The following C6 variants were observed in gnomAD, a reference collection of about 807,000 sequenced individuals.
C6 encodes complement C6, also known as complement component C6.
Under a neutral mutation model 112.9 loss-of-function variants are expected in C6, and 101 were observed. The observed-to-expected ratio is 0.89, with a 90% CI of 0.76 to 1.06. The LOEUF (loss-of-function observed/expected upper bound fraction) is 1.06. Among genes scored for constraint, C6 ranks in the 50% least tolerant of loss-of-function variants. The pLI, the probability that C6 is intolerant of heterozygous loss-of-function variation, is 0.00. For missense variants in C6, 1,202 were observed against 1,104.6 expected (o/e 1.09, Z -1.25); for synonymous variants, 431 against 384.1 (o/e 1.12, Z -1.43).
At chr5:41,146,547 G>A (rs1159685312) in intron 17 of C6, among the ~76,000 whole-genome samples, 1 of 152,122 alleles carries the variant, frequency 6.6e-6, no homozygotes, top group East Asian at 1.9e-4. Flanking sequence ...AGAACCCTCT[G>A]TGACATTTAC....
At chr5:41,163,375 C>G (rs935129493) in intron 9 of C6, among the ~76,000 whole-genome samples, 2 of 146,592 alleles carry the variant, frequency 1.4e-5, no homozygotes, top group South Asian at 2.2e-4. Flanking sequence ...TGCATTGGTG[C>G]GATCTTAGCT....
At chr5:41,226,239 C>T (rs1444602748) in intron 1 of C6, among the ~76,000 whole-genome samples, 1 of 152,108 alleles carries the variant, frequency 6.6e-6, no homozygotes, top group Non-Finnish European at 1.5e-5. Context: ...CTACAATGAA[C>T]TCAAACAAAT....
At chr5:41,207,683 C>A (rs941272312) in intron 1 of C6, among the ~76,000 whole-genome samples, 10 of 152,118 alleles carry the variant, frequency 6.6e-5, no homozygotes, top group Non-Finnish European at 1.0e-4. Context: ...GCTAACTATC[C>A]TAAATATATA....
At chr5:41,175,255 G>C (rs1274441318) in intron 8 of C6, among the ~76,000 whole-genome samples, 2 of 152,208 alleles carry the variant, frequency 1.3e-5, no homozygotes, top group Non-Finnish European at 2.9e-5. Context: ...AGATGTCACA[G>C]CTAGATCATC....
At chr5:41,191,407 G>T (rs1205526580) in intron 5 of C6, among the ~76,000 whole-genome samples, 1 of 152,068 alleles carries the variant, frequency 6.6e-6, no homozygotes, top group African/African-American at 2.4e-5. Context: ...GTTTTTTGTG[G>T]TTCCATATGA....
chr5:41,194,331 A>G (rs1750445512), intron 5 of C6, among the ~76,000 whole-genome samples: 6 of 152,156 alleles, frequency 3.9e-5, no homozygotes. Context: ...CGAGGCCCAG[A>G]GTTGTTAAAT....
upstream of C6, among the ~76,000 whole-genome samples, chr5:41,214,631 C>T (rs1752130437): frequency 6.6e-6 from 1 of 152,030 alleles, no homozygotes; most frequent in Non-Finnish European, 1.5e-5. Context: ...CCCTTGATTA[C>T]CTGAGAAGAT....
chr5:41,203,253 A>T lies in C6; in HGVS notation c.-20-3T>A. 6.2e-7 allele frequency: 1 copy of T among 1,613,778 alleles called. No homozygotes were observed. The highest frequency in any genetic ancestry group is 8.5e-7 in the Non-Finnish European group (1 of 1,179,728). Reference sequence around the variant, plus strand: ...CATGCCTTGAGAGCCTCCAGGCCCTAAAATGAAAGAATACATAACACATAT... The same window carrying T: ...CATGCCTTGAGAGCCTCCAGGCCCTTAAATGAAAGAATACATAACACATAT... On this transcript the variant is annotated splice_region_variant and splice_polypyrimidine_tract_variant and intron_variant, in intron 1 of 17. Coordinates refer to ENST00000337836, the MANE Select transcript of C6 (RefSeq NM_000065.5).
chr5:41,177,988 C>T (rs1421073029), intron 7 of C6, among the ~76,000 whole-genome samples: 1 of 152,114 alleles, frequency 6.6e-6, no homozygotes, highest in African/African-American at 2.4e-5. Context: ...CTGAACTGCC[C>T]TTTCTGGAAG....
At chr5:41,194,033 C>A (rs1369471603) in intron 5 of C6, among the ~76,000 whole-genome samples, 1 of 152,106 alleles carries the variant, frequency 6.6e-6, no homozygotes, top group East Asian at 1.9e-4. Context: ...AGCCAAAGTA[C>A]ACATAGCATG....
rs941305967 is a variant in C6 at position 41,247,647 on chromosome 5, G to A, written c.-21+13547C>T. On this transcript the variant is annotated intron_variant, in intron 1 of 17. Transcript: ENST00000263413. ...GCAGGAGAATGGCATGAACCCGGGAGGTGGAGCCTGCAGTGAGCCGAGATC... is the reference window on the plus strand; with the variant it reads ...GCAGGAGAATGGCATGAACCCGGGAAGTGGAGCCTGCAGTGAGCCGAGATC... 7.9e-5 allele frequency among the ~76,000 whole-genome samples: 12 copies of A among 151,464 alleles called. 1 individual carries two copies. Among genetic ancestry groups the A allele is most frequent in the African/African-American group, 2.7e-4 (11 of 41,272 alleles).
At chr5:41,156,375 A>G (rs1746910350) in intron 13 of C6, among the ~76,000 whole-genome samples, 1 of 152,126 alleles carries the variant, frequency 6.6e-6, no homozygotes, top group South Asian at 2.1e-4. Context: ...CTATTTTTAT[A>G]GTGTTTATCA....
intron 1 of C6, among the ~76,000 whole-genome samples, chr5:41,226,288 C>A (rs577764553): frequency 2.0e-5 from 3 of 152,042 alleles, no homozygotes; most frequent in Non-Finnish European, 4.4e-5. Context: ...AAAAAGTGGG[C>A]GAAGGATATG....
intron 1 of C6, among the ~76,000 whole-genome samples, chr5:41,256,122 C>T (rs1349547037): frequency 6.6e-6 from 1 of 152,118 alleles, no homozygotes; most frequent in Non-Finnish European, 1.5e-5. Context: ...ATGAACTCAT[C>T]ATTTTTTATG....
chr5:41,242,121 T>C (rs73074102), intron 1 of C6, among the ~76,000 whole-genome samples: 8,765 of 152,182 alleles, frequency 0.058, 333 homozygotes, highest in African/African-American at 0.1. Flanking sequence ...AAGTTACATT[T>C]TTGGACTATG....
intron 1 of C6, among the ~76,000 whole-genome samples, chr5:41,204,757 C>T (rs982978718): frequency 2.5e-4 from 37 of 146,728 alleles, no homozygotes; most frequent in African/African-American, 9.2e-4. Context: ...GCAAGCTCTG[C>T]CTCCCGGGTT....
At chr5:41,243,210 A>G (rs563210433) in intron 1 of C6, among the ~76,000 whole-genome samples, 14 of 152,242 alleles carry the variant, frequency 9.2e-5, no homozygotes, top group Admixed American at 3.9e-4. Flanking sequence ...AGATTGATTA[A>G]CTAGGTTGAT....
At chr5:41,253,229 T>A (rs1332370812) in intron 1 of C6, among the ~76,000 whole-genome samples, 4 of 152,204 alleles carry the variant, frequency 2.6e-5, no homozygotes. Context: ...AATATAAACA[T>A]CTCCAACCTT....
chr5:41,209,547 A>G (rs1295941436), intron 1 of C6, among the ~76,000 whole-genome samples: 2 of 152,222 alleles, frequency 1.3e-5, no homozygotes, highest in African/African-American at 4.8e-5. Flanking sequence ...ATCAATGTGC[A>G]AAAATCACAG....
Sources: gnomAD v4.1 joint callset for allele counts (sites outside exome capture counted in the v4.1 genomes callset) on GRCh38, gnomAD v4.1.1 for gene constraint, MANE v1.5 for transcripts, NCBI Gene and HGNC (gene_info 2026-07-23, HGNC 2026-07-21) for gene names.